The following ARMC9 variants were observed in gnomAD, a reference collection of about 807,000 sequenced individuals.
ARMC9 encodes the protein armadillo repeat containing 9, also known as lisH domain-containing protein ARMC9.
A neutral mutation model predicts 107.0 loss-of-function variants in ARMC9; 94 were observed. That is an observed-to-expected ratio of 0.88 (90% CI 0.74 to 1.04). ARMC9 has a LOEUF of 1.04. ARMC9 is among the 50% of genes least tolerant of loss of function. The pLI is 0.00. For missense variants in ARMC9, 942 were observed against 1,030.1 expected (o/e 0.91, Z 1.17); for synonymous variants, 380 against 396.9 (o/e 0.96, Z 0.51).
intron 3 of ARMC9, among the ~76,000 whole-genome samples, chr2:231,213,310 C>T (rs1226353365): frequency 6.6e-6 from 1 of 151,652 alleles, no homozygotes; most frequent in Non-Finnish European, 1.5e-5. Flanking sequence ...ACTACAGGCA[C>T]ATGTCACCAC....
chr2:231,245,160 T>C (rs2036640466), intron 9 of ARMC9, among the ~76,000 whole-genome samples: 1 of 152,192 alleles, frequency 6.6e-6, no homozygotes, highest in African/African-American at 2.4e-5. Flanking sequence ...TGACTCCGCG[T>C]ATTGCTGCTC....
At chr2:231,326,958 A>G (rs140600772) in intron 19 of ARMC9, among the ~76,000 whole-genome samples, 14 of 152,006 alleles carry the variant, frequency 9.2e-5, no homozygotes, top group African/African-American at 3.4e-4. Context: ...CACTGTCACC[A>G]GGAGATGATG....
At chr2:231,299,495 G>A (rs1401622530) in intron 19 of ARMC9, among the ~76,000 whole-genome samples, 2 of 152,198 alleles carry the variant, frequency 1.3e-5, no homozygotes, top group Non-Finnish European at 2.9e-5. Flanking sequence ...GTTTAGTGGC[G>A]TGGAAGTCAG....
intron 19 of ARMC9, among the ~76,000 whole-genome samples, chr2:231,298,440 A>G (rs1311994928): frequency 6.6e-6 from 1 of 152,220 alleles, no homozygotes; most frequent in Non-Finnish European, 1.5e-5. Context: ...ATTTCTAAGA[A>G]TCCTTTGAGA....
chr2:231,310,418 CAAA>C (rs1163286917), intron 19 of ARMC9, among the ~76,000 whole-genome samples: 1 of 101,154 alleles, frequency 9.9e-6, no homozygotes. Flanking sequence ...AACTCCATCT[CAAA>C]AAAAAAAAAA....
At position 231,255,393 on chromosome 2, in the gene ARMC9, A is replaced by G. The variant is rs764167784; in HGVS notation, c.880-1193A>G. 6.6e-6 allele frequency among the ~76,000 whole-genome samples: 1 copy of G among 152,228 alleles called. No homozygotes were observed. The highest frequency in any genetic ancestry group is 1.5e-5 in the Non-Finnish European group (1 of 68,036). ...TTTTTATACTTGAAGAGAAAATCTT[A>G]ATAAAGAAAAAAACCAGAATAATAT... On this transcript the variant is annotated intron_variant, in intron 9 of 24. Transcript: ENST00000611582. This position sits in a 1 kb window ranked among gnomAD's most constrained non-coding sequence, Gnocchi z 4.7.
rs760386487 is a variant in ARMC9, at chr2:231,206,211, G to C, written c.-28G>C. 1 of 1,605,382 alleles carries C rather than the reference G, an allele frequency of 6.2e-7. No individual in the cohort carries two copies. The highest frequency in any genetic ancestry group is 1.7e-5 in the Admixed American group (1 of 59,526). On this transcript the variant is annotated 5_prime_UTR_variant, in exon 2 of 25. Coordinates refer to ENST00000611582, the MANE Select transcript of ARMC9 (RefSeq NM_001352754.2). The stretch of plus-strand genomic sequence containing the variant: ...TTTGCCTTCTAGAGATTTTTGCTGT[G>C]AGAATTAATTACCAGTAACAGTTCA...
rs1378704910 is a variant in ARMC9, at chr2:231,358,538, C to G, written c.2132-2216C>G. On this transcript the variant is annotated intron_variant, in intron 22 of 24. Transcript: ENST00000611582. The surrounding 1 kb of genome is among the most constrained non-coding windows in gnomAD (Gnocchi z 4.5). ...CACCTTGCCCCAGGCCCATCCTGGC[C>G]CCAGGCAGCGCTCCCCACAGGTCTC... Among the ~76,000 whole-genome samples, 1 of 152,174 alleles carries G rather than the reference C, an allele frequency of 6.6e-6. No individual in the cohort carries two copies. The highest frequency in any genetic ancestry group is 2.4e-5 in the African/African-American group (1 of 41,424).
intron 20 of ARMC9, among the ~76,000 whole-genome samples, chr2:231,340,993 A>G (rs1348174738): frequency 1.3e-5 from 2 of 152,170 alleles, no homozygotes; most frequent in Non-Finnish European, 2.9e-5. Context: ...ACTTGAGGCC[A>G]GGAGATCAAG....
intron 19 of ARMC9, among the ~76,000 whole-genome samples, chr2:231,323,838 C>T (rs946714893): frequency 6.6e-6 from 1 of 152,188 alleles, no homozygotes; most frequent in Non-Finnish European, 1.5e-5. Flanking sequence ...TGATTTTCAC[C>T]TCAGTTTTCT....
chr2:231,293,224 C>G (rs1021385434), intron 18 of ARMC9, among the ~76,000 whole-genome samples: 1 of 152,220 alleles, frequency 6.6e-6, no homozygotes, highest in African/African-American at 2.4e-5. Flanking sequence ...TCATTTCTGA[C>G]TCTCAGCCCT....
intron 5 of ARMC9, among the ~76,000 whole-genome samples, chr2:231,217,324 G>A (rs1469101688): frequency 6.6e-6 from 1 of 152,126 alleles, no homozygotes. Context: ...TGGCTTACAC[G>A]TGTAATCCCA....
At chr2:231,211,658 T>A (rs1049584156) in intron 3 of ARMC9, among the ~76,000 whole-genome samples, 1 of 152,202 alleles carries the variant, frequency 6.6e-6, no homozygotes, top group South Asian at 2.1e-4. Flanking sequence ...TATTTTTAAT[T>A]TTTTGAGGAA....
In ARMC9 at chr2:231,203,762, C is replaced by A. The variant is rs544532012; in HGVS notation, c.-41-2436C>A. Among the ~76,000 whole-genome samples the A allele has an allele frequency of 1.7e-3, 256 of 152,252 alleles. 1 individual carries two copies. Among genetic ancestry groups the A allele is most frequent in the African/African-American group, 6.1e-3 (254 of 41,544 alleles). ...ATCACCTGAGGTCAGGAGTTCGAGACCAGCCTGGCCAACGTGGTAAAACCC... is the reference window on the plus strand; with the variant it reads ...ATCACCTGAGGTCAGGAGTTCGAGAACAGCCTGGCCAACGTGGTAAAACCC... On this transcript the variant is annotated intron_variant, in intron 1 of 24. Transcript: ENST00000611582.
chr2:231,322,971 C>G (rs1211950453), intron 19 of ARMC9, among the ~76,000 whole-genome samples: 2 of 152,174 alleles, frequency 1.3e-5, no homozygotes, highest in Non-Finnish European at 2.9e-5. Context: ...GTGGCTGGTG[C>G]CCTTGTCGCC....
At chr2:231,326,049 C>T (rs1243170579) in intron 19 of ARMC9, among the ~76,000 whole-genome samples, 2 of 152,178 alleles carry the variant, frequency 1.3e-5, no homozygotes, top group Non-Finnish European at 2.9e-5. Flanking sequence ...ATAGCCCTCC[C>T]TCCCATTACT....
chr2:231,262,605 T>C (rs1026420138), intron 12 of ARMC9, among the ~76,000 whole-genome samples: 1 of 152,214 alleles, frequency 6.6e-6, no homozygotes, highest in African/African-American at 2.4e-5. Context: ...ATTCATCATC[T>C]CTGGAGCTCT....
Position 231,296,312 on chromosome 2 carries a change from C to T in ARMC9, c.1773+59C>T. ...CCCATACCAAACTATTCTCTCTTTC[C>T]TGCCTTGACAAGTTAGTCCAGAAAT... On this transcript the variant is annotated intron_variant, in intron 19 of 24. Coordinates refer to ENST00000611582, the MANE Select transcript of ARMC9 (RefSeq NM_001352754.2). 3 of 1,392,814 alleles carry T rather than the reference C, an allele frequency of 2.2e-6. No individual in the cohort carries two copies. In the South Asian group the frequency reaches 3.7e-5, roughly 17 times the overall value. The allele number at this position is 1,392,814 out of a possible 1,614,324, so 86.3% of individuals were successfully genotyped here.
In ARMC9 at chr2:231,275,255, G is replaced by A. The variant is rs149042398; in HGVS notation, c.1335-1381G>A. Reference sequence around the variant, plus strand: ...TCAGTGTAGTGTTTAAGAACAGGATGAACGGATAACTGGTTCTGCTGTTCT... The same window carrying A: ...TCAGTGTAGTGTTTAAGAACAGGATAAACGGATAACTGGTTCTGCTGTTCT... On this transcript the variant is annotated intron_variant, in intron 14 of 24. Coordinates refer to ENST00000611582, the MANE Select transcript of ARMC9 (RefSeq NM_001352754.2). Among the ~76,000 whole-genome samples, 289 of 152,304 alleles carry A rather than the reference G, an allele frequency of 1.9e-3. 5 individuals are homozygous for A. In the East Asian group the frequency reaches 0.052, roughly 27 times the overall value.
Sources: allele counts gnomAD v4.1 joint callset (sites outside exome capture counted in the v4.1 genomes callset), GRCh38; gene constraint gnomAD v4.1.1; non-coding constraint Gnocchi (gnomAD v3.1); transcripts MANE v1.5; gene names NCBI Gene and HGNC (gene_info 2026-07-23, HGNC 2026-07-21).